PIP5K1A: variants seen among roughly 807,000 people sequenced by gnomAD.
PIP5K1A encodes phosphatidylinositol 4-phosphate 5-kinase type-1 alpha.
Under a neutral mutation model 72.9 loss-of-function variants are expected in PIP5K1A, and 46 were observed. The observed-to-expected ratio is 0.63, with a 90% CI of 0.50 to 0.81. The LOEUF (loss-of-function observed/expected upper bound fraction) is 0.81. Among genes scored for constraint, PIP5K1A ranks in the 30% least tolerant of loss-of-function variants. PIP5K1A has a pLI of 0.00. For synonymous variants in PIP5K1A, 228 were observed against 255.1 expected, an observed-to-expected ratio of 0.89 and a Z score of 1.01; for missense variants, 458 against 706.1, an observed-to-expected ratio of 0.65 and a Z score of 3.98.
At chr1:151,230,165 G>A (rs186979835) in intron 4 of PIP5K1A, among the ~76,000 whole-genome samples, 1 of 152,336 alleles carries the variant, frequency 6.6e-6, no homozygotes, top group South Asian at 2.1e-4. Flanking sequence ...ATGCCTGGCC[G>A]AGGTTGGGGA....
intron 14 of PIP5K1A, among the ~76,000 whole-genome samples, chr1:151,244,113 C>A: frequency 7.2e-6 from 1 of 138,946 alleles, no homozygotes; most frequent in Non-Finnish European, 1.5e-5. Flanking sequence ...AGTTTGAGAC[C>A]AGCCTGGTCA....
intron 15 of PIP5K1A, among the ~76,000 whole-genome samples, chr1:151,247,444 G>A (rs1692669596): frequency 6.6e-6 from 1 of 151,832 alleles, no homozygotes; most frequent in Non-Finnish European, 1.5e-5. Flanking sequence ...TTGTGTTTTT[G>A]AGACGGAGTC....
chr1:151,235,332 C>T (rs1690695587), intron 8 of PIP5K1A, among the ~76,000 whole-genome samples: 1 of 152,192 alleles, frequency 6.6e-6, no homozygotes, highest in Non-Finnish European at 1.5e-5. Flanking sequence ...ATCTGCCTGC[C>T]TTGGCCTCCC....
At chr1:151,214,630 C>T (rs900812504) in intron 1 of PIP5K1A, among the ~76,000 whole-genome samples, 4 of 151,748 alleles carry the variant, frequency 2.6e-5, no homozygotes, top group African/African-American at 9.7e-5. Context: ...ATCCGCTTGC[C>T]TCAGCCTCCC....
intron 8 of PIP5K1A, among the ~76,000 whole-genome samples, chr1:151,236,046 G>T (rs943148562): frequency 7.9e-5 from 12 of 151,562 alleles, no homozygotes; most frequent in African/African-American, 2.9e-4. Context: ...GCTTGAACCA[G>T]GGAGTTGGAG....
At chr1:151,223,341 T>C (rs909599761) in intron 1 of PIP5K1A, among the ~76,000 whole-genome samples, 3 of 110,664 alleles carry the variant, frequency 2.7e-5, no homozygotes, top group African/African-American at 1.1e-4. Context: ...CCAGCAAAAC[T>C]CCGTCTCAAA....
intron 4 of PIP5K1A, among the ~76,000 whole-genome samples, chr1:151,229,067 C>T (rs980052526): frequency 1.4e-5 from 2 of 140,042 alleles, no homozygotes; most frequent in African/African-American, 5.3e-5. Context: ...ACTCAGGAGG[C>T]TGAGACATGA....
chr1:151,221,243 C>T (rs1361591269), intron 1 of PIP5K1A, among the ~76,000 whole-genome samples: 1 of 152,106 alleles, frequency 6.6e-6, no homozygotes, highest in Non-Finnish European at 1.5e-5. Context: ...AAAAATATAT[C>T]AGCATTGCAG....
intron 14 of PIP5K1A, among the ~76,000 whole-genome samples, chr1:151,245,514 T>C (rs964685338): frequency 6.6e-6 from 1 of 152,166 alleles, no homozygotes; most frequent in East Asian, 1.9e-4. Context: ...TTGCCCAGGC[T>C]GGAGTACAGT....
At chr1:151,239,908 C>T (rs1291003611) in intron 11 of PIP5K1A, 47 bp from the exon 12 acceptor site, 3 of 1,269,092 alleles carry the variant, frequency 2.4e-6, no homozygotes, top group Non-Finnish European at 3.3e-6. Context: ...GACTAGAGTT[C>T]CTCTTGCCGG....
upstream of PIP5K1A, chr1:151,198,053 A>C (rs769675589): frequency 6.4e-6 from 3 of 471,010 alleles, no homozygotes; most frequent in South Asian, 4.6e-5. Context: ...GTCACTGTGC[A>C]GTGCCTAACT....
chr1:151,219,975 G>C (rs1302063721), intron 1 of PIP5K1A, among the ~76,000 whole-genome samples: 2 of 150,096 alleles, frequency 1.3e-5, no homozygotes. Context: ...ATAGATGTGA[G>C]CCACTGTGCT....
Position 151,211,364 on chromosome 1 carries a change from G to C in PIP5K1A, c.85+12283G>C, listed in dbSNP as rs184042778. Among the ~76,000 whole-genome samples the C allele has an allele frequency of 7.9e-5, 12 of 152,248 alleles. No homozygotes were observed. In the East Asian group the frequency reaches 2.1e-3, roughly 27 times the overall value. ...TAGCTGGGCATGGCGATGTGTGCCT[G>C]TAGTCCCAGCTACTCTGGAGTCTGA... is the stretch of plus-strand genomic sequence containing the variant. On this transcript the variant is annotated intron_variant, in intron 1 of 15. Coordinates refer to ENST00000368888, the MANE Select transcript of PIP5K1A (RefSeq NM_001135638.2).
In PIP5K1A at chr1:151,238,160, C is replaced by G. The variant is rs1691151372; in HGVS notation, c.1146-22C>G. On this transcript the variant is annotated intron_variant, in intron 9 of 15. Coordinates refer to ENST00000368888, the MANE Select transcript of PIP5K1A (RefSeq NM_001135638.2). ...AAACTAGCCAACAGATTTTCTCACC[C>G]TTTCCTTTTTGCCTTTTCCAGTATG... 1.9e-6 allele frequency: 3 copies of G among 1,550,024 alleles called. No individual in the cohort carries two copies. The South Asian group carries it at 3.3e-5, about 17-fold the overall frequency.
At chr1:151,212,552 C>T (rs1286369315) in intron 1 of PIP5K1A, among the ~76,000 whole-genome samples, 1 of 151,776 alleles carries the variant, frequency 6.6e-6, no homozygotes, top group Non-Finnish European at 1.5e-5. Flanking sequence ...GAAAAATTTT[C>T]TGTGACATGG....
At chr1:151,200,958 T>A (rs1685140705) in intron 1 of PIP5K1A, among the ~76,000 whole-genome samples, 1 of 151,986 alleles carries the variant, frequency 6.6e-6, no homozygotes, top group Non-Finnish European at 1.5e-5. Flanking sequence ...GCCTCCCGAG[T>A]AGCTGGGACT....
intron 1 of PIP5K1A, among the ~76,000 whole-genome samples, chr1:151,210,214 G>A (rs1470486324): frequency 2.2e-5 from 3 of 133,652 alleles, no homozygotes; most frequent in Non-Finnish European, 4.6e-5. Flanking sequence ...TTTTTTCCTC[G>A]AGACTGGATC....
At chr1:151,228,224 C>A (rs1227652969) in intron 4 of PIP5K1A, among the ~76,000 whole-genome samples, 1 of 151,946 alleles carries the variant, frequency 6.6e-6, no homozygotes, top group Non-Finnish European at 1.5e-5. Context: ...TAGCAGGAGG[C>A]TATTGTAACC....
chr1:151,218,831 CAAAAAAAAAAAA>C (rs5777767), intron 1 of PIP5K1A, among the ~76,000 whole-genome samples: 2 of 70,544 alleles, frequency 2.8e-5, no homozygotes, highest in Admixed American at 3.6e-4. Flanking sequence ...GACTCTGTCT[CAAAAAAAAAAAA>C]AAAAAAAAAA....
Sources: allele counts gnomAD v4.1 joint callset (sites outside exome capture counted in the v4.1 genomes callset), GRCh38; gene constraint gnomAD v4.1.1; transcripts MANE v1.5; gene names NCBI Gene and HGNC (gene_info 2026-07-23, HGNC 2026-07-21).